Variants in FGD2 observed in about 807,000 individuals in gnomAD.
FGD2 encodes FYVE, RhoGEF and PH domain containing 2, also known as FYVE, RhoGEF and PH domain-containing protein 2.
In FGD2, 52 loss-of-function variants were observed where a neutral mutation model predicts 75.9. The ratio of observed to expected loss-of-function variants is 0.69; its 90% CI spans 0.55 to 0.86. The LOEUF is 0.86. Ranked by LOEUF, FGD2 falls within the 40% of genes least tolerant of loss-of-function variation. The pLI, the probability that FGD2 is intolerant of heterozygous loss-of-function variation, is 0.00. For missense variants in FGD2, 790 were observed against 872.0 expected (o/e 0.91, Z 1.18); for synonymous variants, 347 against 348.6 (o/e 1.00, Z 0.05).
chr6:37,006,044 G>A (rs79471496), intron 1 of FGD2, among the ~76,000 whole-genome samples, 159 bp downstream of exon 1: 100 of 152,332 alleles, frequency 6.6e-4, no homozygotes, highest in African/African-American at 1.6e-3. Flanking sequence ...GGAGAGTGTC[G>A]GTGGGACACC....
Position 37,005,698 on chromosome 6 carries a change from C to A in FGD2, c.-120C>A. On this transcript the variant is annotated 5_prime_UTR_variant, in exon 1 of 16. Transcript: ENST00000274963. ...GACCTTCTGAGCCCTCAAGAAAGATCAGAACAGATTCATGGGTGATTTAGC... is the reference window on the plus strand; with the variant it reads ...GACCTTCTGAGCCCTCAAGAAAGATAAGAACAGATTCATGGGTGATTTAGC... 9.3e-7 allele frequency: 1 copy of A among 1,079,646 alleles called. No individual in the cohort carries two copies. 66.9% of individuals were successfully genotyped at this position (1,079,646 alleles called of 1,614,324 possible).
Position 37,022,271 on chromosome 6 carries a change from G to A in FGD2, c.1359G>A (p.Pro453=), listed in dbSNP as rs374035452. ...LQSEELGLRA[P]QWVRDKMVTM... ...CTGAGGAGCTGGGCCTCCGGGCACCGCAGTGGGTCCGGGACAAGATGGTGA... is the reference window on the plus strand; with the variant it reads ...CTGAGGAGCTGGGCCTCCGGGCACCACAGTGGGTCCGGGACAAGATGGTGA... The change falls in exon 13 of 16, where the codon CCG becomes CCA. Residue 453 remains proline, a synonymous_variant. Coordinates refer to ENST00000274963, the MANE Select transcript of FGD2 (RefSeq NM_173558.4). 2.7e-5 allele frequency: 43 copies of A among 1,591,814 alleles called. No homozygotes were observed. Among genetic ancestry groups the A allele is most frequent in the East Asian group, 4.6e-5 (2 of 43,042 alleles).
At position 37,026,135 on chromosome 6, in the gene FGD2, C is replaced by A. The variant is rs1765812591; in HGVS notation, c.1605+197C>A. 3 of 985,316 alleles carry A rather than the reference C, an allele frequency of 3.0e-6. No individual in the cohort carries two copies. In the African/African-American group the frequency reaches 5.2e-5, roughly 17 times the overall value. 61.0% of individuals were successfully genotyped at this position (985,316 alleles called of 1,614,324 possible). A position where few individuals can be genotyped will look rare whatever the true frequency, so the allele number is the denominator to read the frequency against. On this transcript the variant is annotated intron_variant, in intron 14 of 15. Transcript: ENST00000274963. ...AGCCCAGGCAGTGTGGAGCCTGTCA[C>A]CAAATGGAGGCACCCTTTGGCTGCA...
intron 11 of FGD2, among the ~76,000 whole-genome samples, chr6:37,021,037 T>C (rs1765563283): frequency 6.6e-6 from 1 of 151,754 alleles, no homozygotes; most frequent in Admixed American, 6.6e-5. Flanking sequence ...TATGTGTATA[T>C]GTGTGTTTGT....
chr6:37,027,666 A>T, intron 15 of FGD2, 91 bp downstream of exon 15: 1 of 1,477,482 alleles, frequency 6.8e-7, no homozygotes, highest in Non-Finnish European at 9.2e-7. Flanking sequence ...TGCTAGCTCC[A>T]TATGTCAGAT....
chr6:37,020,220 A>G (rs750100001), intron 9 of FGD2, among the ~76,000 whole-genome samples: 2 of 152,248 alleles, frequency 1.3e-5, no homozygotes, highest in Non-Finnish European at 2.9e-5. Flanking sequence ...TGAACCTCAT[A>G]TACTCATCCA....
chr6:37,008,096 T>A (rs1764833943), intron 1 of FGD2, among the ~76,000 whole-genome samples: 1 of 152,196 alleles, frequency 6.6e-6, no homozygotes, highest in Non-Finnish European at 1.5e-5. Flanking sequence ...ATGAAAACCT[T>A]TCTCACGGAG....
intron 6 of FGD2, 131 bp downstream of exon 6, chr6:37,014,231 T>A (rs1765165973): frequency 1.8e-6 from 2 of 1,124,468 alleles, no homozygotes; most frequent in African/African-American, 3.1e-5. Context: ...TTCATAGACA[T>A]CATCCATACC....
rs900781669 is a variant in FGD2 at position 37,013,339 on chromosome 6, A to T, written c.528-270A>T. On this transcript the variant is annotated intron_variant, in intron 4 of 15. Transcript: ENST00000274963. ...ATTGTTACATAATGAAGCACTGAGC[A>T]GTTACTGAACACCTGCTGTGGGCCC... 113 of 690,828 alleles carry T rather than the reference A, an allele frequency of 1.6e-4. 2 individuals carry two copies. Among genetic ancestry groups the T allele is most frequent in the Non-Finnish European group, 2.1e-4 (100 of 482,736 alleles). 42.8% of individuals were successfully genotyped at this position (690,828 alleles called of 1,614,324 possible). A position where few individuals can be genotyped will look rare whatever the true frequency, so the allele number is the denominator to read the frequency against.
intron 14 of FGD2, among the ~76,000 whole-genome samples, chr6:37,027,225 C>G (rs568470488): frequency 6.6e-6 from 1 of 152,298 alleles, no homozygotes; most frequent in South Asian, 2.1e-4. Context: ...TTCAGGCAGG[C>G]TGGGGTTTGA....
chr6:37,021,318 C>T (rs1449046844), intron 11 of FGD2, among the ~76,000 whole-genome samples, 194 bp from the exon 12 acceptor site: 1 of 152,192 alleles, frequency 6.6e-6, no homozygotes, highest in Admixed American at 6.5e-5. Flanking sequence ...CCTCTCTGAG[C>T]CTCAGTTTTT....
chr6:37,026,021 C>T, intron 14 of FGD2, 83 bp downstream of exon 14: 1 of 1,549,058 alleles, frequency 6.5e-7, no homozygotes, highest in African/African-American at 1.4e-5. Flanking sequence ...CTGACACTGT[C>T]CAGTGCTGAG....
Position 37,011,782 on chromosome 6 carries a change from C to G in FGD2, c.455C>G (p.Ser152Cys), listed in dbSNP as rs749318658. 10 of 1,614,162 alleles carry G rather than the reference C, an allele frequency of 6.2e-6. No individual in the cohort carries two copies. The highest frequency in any genetic ancestry group is 3.3e-5 in the Admixed American group (2 of 60,028). ...GAGGATGTGGTCAGGGTCATCTTCT[C>G]CAACATCTCCTCCATCTATCAGTTC... is the stretch of plus-strand genomic sequence containing the variant. Reference protein sequence around the residue: ...FPEDVVRVIFSNISSIYQFHS... With the variant: ...FPEDVVRVIFCNISSIYQFHS... The change falls in exon 4 of 16, where the codon TCC becomes TGC. Residue 152 changes from serine to cysteine, a missense_variant. Transcript: ENST00000274963.
At chr6:37,026,784 G>A (rs1166739146) in intron 14 of FGD2, among the ~76,000 whole-genome samples, 1 of 151,912 alleles carries the variant, frequency 6.6e-6, no homozygotes, top group East Asian at 1.9e-4. Context: ...TGGATCACGT[G>A]CGGTCAGGAG....
chr6:37,008,503 G>C (rs1477210943), intron 1 of FGD2, among the ~76,000 whole-genome samples: 1 of 152,160 alleles, frequency 6.6e-6, no homozygotes, highest in Non-Finnish European at 1.5e-5. Flanking sequence ...GAGGTCCAAA[G>C]GTGAGGATAA....
chr6:37,011,726 G>A lies in FGD2; in HGVS notation c.399G>A (p.Leu133=). 1 of 1,614,188 alleles carries A rather than the reference G, an allele frequency of 6.2e-7. No individual in the cohort carries two copies. The highest frequency in any genetic ancestry group is 8.5e-7 in the Non-Finnish European group (1 of 1,180,016). Residue 133 remains leucine (L), a synonymous_variant, in exon 4 of 16, where the codon CTG becomes CTA. Coordinates refer to ENST00000274963, the MANE Select transcript of FGD2 (RefSeq NM_173558.4). ...LLDQVFFQEL[L]KTARSSKAFP... ...TACAGGTGTTTTTCCAGGAGCTGCT[G>A]AAGACAGCCCGCAGCAGCAAGGCCT...
intron 9 of FGD2, among the ~76,000 whole-genome samples, chr6:37,016,084 G>T (rs547313084): frequency 2.0e-4 from 31 of 152,214 alleles, no homozygotes; most frequent in Non-Finnish European, 3.8e-4. Context: ...TCGCGGCAGT[G>T]CATGAGCCAG....
At chr6:37,014,302 G>A in intron 6 of FGD2, 1 of 675,124 alleles carries the variant, frequency 1.5e-6, no homozygotes, top group African/African-American at 1.8e-5. Flanking sequence ...ACTTGCTCAA[G>A]GTCACGCAGC....
At chr6:37,011,608 G>GA in intron 3 of FGD2, 98 bp from the exon 4 acceptor site, 1 of 1,514,190 alleles carries the variant, frequency 6.6e-7, no homozygotes, top group Non-Finnish European at 9.1e-7. Context: ...CAGGGAGGTG[G>GA]AAGCATGCAG....
Sources: allele counts gnomAD v4.1 joint callset (sites outside exome capture counted in the v4.1 genomes callset), GRCh38; gene constraint gnomAD v4.1.1; transcripts MANE v1.5; gene names NCBI Gene and HGNC (gene_info 2026-07-23, HGNC 2026-07-21).